The following EPHA6 variants were observed in gnomAD, a reference collection of about 807,000 sequenced individuals.
EPHA6 encodes EPH receptor A6, also known as ephrin type-A receptor 6.
Under a neutral mutation model 112.0 loss-of-function variants are expected in EPHA6, and 50 were observed. The ratio of observed to expected loss-of-function variants is 0.45; its 90% CI spans 0.36 to 0.56. The LOEUF (loss-of-function observed/expected upper bound fraction) is 0.56. Ranked by LOEUF, EPHA6 falls within the 20% of genes least tolerant of loss-of-function variation. The pLI is 0.00. For synonymous variants in EPHA6, 529 were observed against 490.7 expected, an observed-to-expected ratio of 1.08 and a Z score of -1.03; for missense variants, 1,280 against 1,417.4, an observed-to-expected ratio of 0.90 and a Z score of 1.56.
At chr3:96,828,145 C>T (rs1368247270) in intron 1 of EPHA6, among the ~76,000 whole-genome samples, 1 of 151,648 alleles carries the variant, frequency 6.6e-6, no homozygotes, top group Non-Finnish European at 1.5e-5. Flanking sequence ...CCCATCCCTG[C>T]AAAAAGAAAA....
intron 13 of EPHA6, among the ~76,000 whole-genome samples, chr3:97,623,054 GC>G (rs746393763): frequency 5.3e-5 from 8 of 151,602 alleles, no homozygotes; most frequent in Non-Finnish European, 8.9e-5. Flanking sequence ...TCTGTGCGTT[GC>G]CTTTCTACTC....
chr3:97,116,792 A>G (rs2047900686), intron 3 of EPHA6, among the ~76,000 whole-genome samples: 2 of 151,720 alleles, frequency 1.3e-5, no homozygotes, highest in Non-Finnish European at 3.0e-5. Context: ...GCTGTGATGA[A>G]CAAGGGAGTG....
chr3:97,077,985 G>A (rs970822476), intron 3 of EPHA6, among the ~76,000 whole-genome samples: 3 of 152,038 alleles, frequency 2.0e-5, no homozygotes, highest in Admixed American at 1.3e-4. Flanking sequence ...TTCCACGATG[G>A]TTGAACAAGT....
chr3:96,894,558 G>A (rs1004842768), intron 2 of EPHA6, among the ~76,000 whole-genome samples: 2 of 151,984 alleles, frequency 1.3e-5, no homozygotes, highest in Non-Finnish European at 2.9e-5. Context: ...ATGACTGCAT[G>A]AAGAACCTTG....
At chr3:97,117,868 A>G (rs1309147633) in intron 3 of EPHA6, among the ~76,000 whole-genome samples, 2 of 151,864 alleles carry the variant, frequency 1.3e-5, no homozygotes, top group African/African-American at 4.8e-5. Context: ...TTCTTAAAAA[A>G]CAAATCAAAA....
intron 14 of EPHA6, among the ~76,000 whole-genome samples, chr3:97,652,770 A>T (rs1182673335): frequency 6.6e-6 from 1 of 152,026 alleles, no homozygotes; most frequent in South Asian, 2.1e-4. Context: ...TCTCAGATGA[A>T]ATTGCTGAAT....
chr3:96,940,148 C>A (rs567010412), intron 2 of EPHA6, among the ~76,000 whole-genome samples: 1 of 152,180 alleles, frequency 6.6e-6, no homozygotes, highest in East Asian at 1.9e-4. Flanking sequence ...AGTTCAATTC[C>A]TGGGTATCCT....
chr3:97,007,476 C>G (rs1431379092), intron 3 of EPHA6, among the ~76,000 whole-genome samples: 1 of 151,394 alleles, frequency 6.6e-6, no homozygotes, highest in African/African-American at 2.4e-5. Flanking sequence ...TCCTCCATCC[C>G]TTTATTTTGA....
chr3:97,192,820 G>A lies in EPHA6; in HGVS notation c.1115-33444G>A, dbSNP rs563214080. ...TTTGTATATGGCAAGAGATAGGGAT[G>A]TAGTTTCATTCTTCTGTATATGGAT... On this transcript the variant is annotated intron_variant, in intron 3 of 17. Coordinates refer to ENST00000389672, the MANE Select transcript of EPHA6 (RefSeq NM_001080448.3). Among the ~76,000 whole-genome samples, 24 of 152,228 alleles carry A rather than the reference G, an allele frequency of 1.6e-4. No individual in the cohort carries two copies. The East Asian group carries it at 4.6e-3, about 29-fold the overall frequency.
At chr3:97,481,617 G>A (rs2034939) in intron 9 of EPHA6, 67,440 of 473,180 alleles carry the variant, frequency 0.14, 7,632 homozygotes, top group African/African-American at 0.39. Flanking sequence ...CAGCTGTTGC[G>A]CCCTCCCTAG....
chr3:97,044,855 G>A (rs1260678000), intron 3 of EPHA6, among the ~76,000 whole-genome samples: 1 of 151,936 alleles, frequency 6.6e-6, no homozygotes, highest in Admixed American at 6.6e-5. Flanking sequence ...TAAAAACTTG[G>A]TCACCAACTT....
chr3:97,465,553 A>T (rs9831890), intron 7 of EPHA6, among the ~76,000 whole-genome samples: 7,197 of 152,094 alleles, frequency 0.047, 571 homozygotes, highest in African/African-American at 0.16. Flanking sequence ...GATTAGAGGT[A>T]GTTTGAGGTA....
rs529964234 is a variant in EPHA6 at position 97,062,170 on chromosome 3, A to G, written c.1114+74177A>G. Among the ~76,000 whole-genome samples, 17 of 152,326 alleles carry G rather than the reference A, an allele frequency of 1.1e-4. No individual in the cohort carries two copies. The East Asian group carries it at 3.3e-3, about 29-fold the overall frequency. The stretch of plus-strand genomic sequence containing the variant: ...ATGCAGCCTATAGTTGTGATATAAT[A>G]TAACATGTTTAGGAATTGAAAATAT... On this transcript the variant is annotated intron_variant, in intron 3 of 17. Transcript: ENST00000389672.
At chr3:97,386,792 G>C (rs1466634572) in intron 5 of EPHA6, among the ~76,000 whole-genome samples, 1 of 152,206 alleles carries the variant, frequency 6.6e-6, no homozygotes, top group Non-Finnish European at 1.5e-5. Context: ...GGTTCTCCAT[G>C]ATGGCTCTTC....
At chr3:97,332,689 T>C (rs1319976780) in intron 5 of EPHA6, among the ~76,000 whole-genome samples, 1 of 152,172 alleles carries the variant, frequency 6.6e-6, no homozygotes, top group Non-Finnish European at 1.5e-5. Context: ...GATGCTTACT[T>C]GTTCCAGCAT....
intron 15 of EPHA6, among the ~76,000 whole-genome samples, chr3:97,723,706 GA>G (rs149767649): frequency 0.18 from 27,604 of 151,698 alleles, 2,808 homozygotes; most frequent in South Asian, 0.23. Context: ...CCTGGGGGGT[GA>G]AAAAAAACCC....
intron 5 of EPHA6, among the ~76,000 whole-genome samples, chr3:97,379,384 A>G (rs11923076): frequency 0.044 from 6,734 of 152,182 alleles, 449 homozygotes; most frequent in African/African-American, 0.15. Context: ...ACATAATTGA[A>G]GCAGTTCAAA....
intron 3 of EPHA6, among the ~76,000 whole-genome samples, chr3:97,068,457 G>T (rs2046249034): frequency 6.6e-6 from 1 of 152,106 alleles, no homozygotes; most frequent in Non-Finnish European, 1.5e-5. Flanking sequence ...CTGAAATATA[G>T]CTGTAAGAAG....
chr3:97,203,546 AAGG>A lies in EPHA6; in HGVS notation c.1115-22715_1115-22713del, dbSNP rs1405314821. On this transcript the variant is annotated intron_variant, in intron 3 of 17. Transcript: ENST00000389672. ...TAGGTAGTGCAGATTATAATACATA[AAGG>A]AGAAGAAAAGACATGGGAGATGAAT... Among the ~76,000 whole-genome samples, 17 of 152,228 alleles carry A rather than the reference AAGG, an allele frequency of 1.1e-4. No homozygotes were observed. In the East Asian group the frequency reaches 3.3e-3, roughly 29 times the overall value.
Sources: allele counts gnomAD v4.1 joint callset (sites outside exome capture counted in the v4.1 genomes callset), GRCh38; gene constraint gnomAD v4.1.1; transcripts MANE v1.5; gene names NCBI Gene and HGNC (gene_info 2026-07-23, HGNC 2026-07-21).